RSF1: variants seen among roughly 807,000 people sequenced by gnomAD.
The protein encoded by RSF1 is remodeling and spacing factor 1.
Under a neutral mutation model 145.2 loss-of-function variants are expected in RSF1, and 13 were observed. The observed-to-expected ratio is 0.09, with a 90% CI of 0.06 to 0.14. The LOEUF (loss-of-function observed/expected upper bound fraction) is 0.14, where lower values mean the gene tolerates loss of function less well. Ranked by LOEUF, RSF1 falls within the 10% of genes least tolerant of loss-of-function variation. The pLI is 1.00. For synonymous variants in RSF1, 577 were observed against 592.6 expected (o/e 0.97, Z 0.38); for missense variants, 1,517 against 1,718.2 (o/e 0.88, Z 2.07).
In RSF1 at chr11:77,728,681, C is replaced by CT. The variant is rs551605539; in HGVS notation, c.579-2983dup. ...GAAAGAGGCCACACACAGAAAGTCA[C>CT]TTATTATATAATTCTATGTATACAA... On this transcript the variant is annotated intron_variant, in intron 4 of 15. Coordinates refer to ENST00000308488, the MANE Select transcript of RSF1 (RefSeq NM_016578.4). Among the ~76,000 whole-genome samples the CT allele has an allele frequency of 9.2e-5, 14 of 151,938 alleles. 1 individual carries two copies. In the East Asian group the frequency reaches 2.3e-3, roughly 25 times the overall value.
intron 1 of RSF1, among the ~76,000 whole-genome samples, chr11:77,773,551 T>G (rs1948309886): frequency 6.6e-6 from 1 of 152,216 alleles, no homozygotes; most frequent in East Asian, 1.9e-4. Context: ...TCTTATTCCT[T>G]TATATTTAAT....
rs1338657875 is a variant in RSF1, at chr11:77,732,627, T to C, written c.579-6928A>G. ...AGGGTGCAGGTTCATTTCCTGTGAG[T>C]GAATGAGTCTCACGAGATCTGATGG... On this transcript the variant is annotated intron_variant, in intron 4 of 15. Coordinates refer to ENST00000308488, the MANE Select transcript of RSF1 (RefSeq NM_016578.4). 2.0e-5 allele frequency among the ~76,000 whole-genome samples: 3 copies of C among 152,100 alleles called. No homozygotes were observed. In the East Asian group the frequency reaches 5.8e-4, roughly 29 times the overall value.
chr11:77,682,901 G>A lies in RSF1; in HGVS notation c.3065+809C>T, dbSNP rs1959901815. Among the ~76,000 whole-genome samples, 4 of 152,346 alleles carry A rather than the reference G, an allele frequency of 2.6e-5. No homozygotes were observed. In the South Asian group the frequency reaches 8.3e-4, roughly 32 times the overall value. ...ATGTGCAAAGGGACTAAAAGGCGAT[G>A]CAGCAAATGCAGAGAGTGTAAGGGA... On this transcript the variant is annotated intron_variant, in intron 11 of 15. Transcript: ENST00000308488.
intron 11 of RSF1, among the ~76,000 whole-genome samples, chr11:77,681,790 C>A (rs1214587787): frequency 1.3e-5 from 2 of 152,170 alleles, no homozygotes; most frequent in Non-Finnish European, 2.9e-5. Context: ...TGCCACCACA[C>A]CATAATTTAC....
At chr11:77,795,184 A>C (rs1948559445) in intron 1 of RSF1, among the ~76,000 whole-genome samples, 1 of 152,250 alleles carries the variant, frequency 6.6e-6, no homozygotes, top group African/African-American at 2.4e-5. Flanking sequence ...ACACTGACTG[A>C]AAGAAACTGA....
At chr11:77,858,194 A>AT in the RSF1 span, among the ~76,000 whole-genome samples, 772 of 130,794 alleles carry the variant, frequency 5.9e-3, 15 homozygotes, top group Admixed American at 0.036. Flanking sequence ...AATATATATA[A>AT]TTTTTTTTTT....
intron 1 of RSF1, among the ~76,000 whole-genome samples, chr11:77,777,724 C>G (rs771273412): frequency 6.6e-6 from 1 of 152,076 alleles, no homozygotes; most frequent in Non-Finnish European, 1.5e-5. Context: ...GTGGCACACA[C>G]CTGTAATCCT....
chr11:77,802,316 A>C (rs1948633925), intron 1 of RSF1, among the ~76,000 whole-genome samples: 1 of 152,190 alleles, frequency 6.6e-6, no homozygotes, highest in African/African-American at 2.4e-5. Context: ...CTTGCAACTG[A>C]TGTCTAAAGT....
At chr11:77,812,593 A>G (rs1417233612) in intron 1 of RSF1, among the ~76,000 whole-genome samples, 2 of 152,120 alleles carry the variant, frequency 1.3e-5, no homozygotes, top group Non-Finnish European at 2.9e-5. Flanking sequence ...TTCTTTCTTA[A>G]AATCAGTTTG....
intron 1 of RSF1, among the ~76,000 whole-genome samples, chr11:77,801,103 A>G (rs1221696241): frequency 1.3e-5 from 2 of 152,210 alleles, no homozygotes; most frequent in African/African-American, 4.8e-5. Flanking sequence ...AATTCATTTT[A>G]TAAGGCCAGG....
the RSF1 span, among the ~76,000 whole-genome samples, chr11:77,828,843 G>A: frequency 6.6e-6 from 1 of 152,152 alleles, no homozygotes; most frequent in African/African-American, 2.4e-5. Context: ...CAAAATTCCA[G>A]CTGGCTTCTT....
At chr11:77,691,945 C>A (rs1166171767) in intron 8 of RSF1, among the ~76,000 whole-genome samples, 1 of 152,200 alleles carries the variant, frequency 6.6e-6, no homozygotes, top group African/African-American at 2.4e-5. Flanking sequence ...GGCTGGCGTG[C>A]AGTGGCACAA....
chr11:77,777,554 T>A (rs770249035), intron 1 of RSF1, among the ~76,000 whole-genome samples: 1 of 152,014 alleles, frequency 6.6e-6, no homozygotes, highest in African/African-American at 2.4e-5. Flanking sequence ...GATGGCACCA[T>A]TGCACTCCAG....
intron 4 of RSF1, among the ~76,000 whole-genome samples, chr11:77,737,272 ACT>A (rs1961377200): frequency 6.6e-6 from 1 of 151,670 alleles, no homozygotes; most frequent in Admixed American, 6.6e-5. Flanking sequence ...ACATGGCAAA[ACT>A]CTGTCTCTAC....
intron 1 of RSF1, among the ~76,000 whole-genome samples, chr11:77,807,865 A>C (rs1159591569): frequency 6.6e-6 from 1 of 152,214 alleles, no homozygotes; most frequent in African/African-American, 2.4e-5. Flanking sequence ...CAAGGAAAAG[A>C]CAGTTGCTTT....
At chr11:77,697,602 A>C (rs565252611) in intron 7 of RSF1, among the ~76,000 whole-genome samples, 59 of 148,506 alleles carry the variant, frequency 4.0e-4, no homozygotes, top group African/African-American at 1.4e-3. Context: ...TGAAGAACTT[A>C]CTTCCTGGGG....
At chr11:77,844,368 CTT>C in the RSF1 span, among the ~76,000 whole-genome samples, 1 of 151,810 alleles carries the variant, frequency 6.6e-6, no homozygotes, top group South Asian at 2.1e-4. Context: ...TTCTTTCTTT[CTT>C]TGTTTTTTTT....
intron 1 of RSF1, among the ~76,000 whole-genome samples, chr11:77,814,477 G>A (rs897447520): frequency 1.3e-5 from 2 of 152,004 alleles, no homozygotes; most frequent in Admixed American, 6.5e-5. Context: ...ACAGAGTCTC[G>A]CTCTGTCACC....
chr11:77,741,002 T>C (rs1490834297), intron 3 of RSF1, 66 bp from the exon 4 acceptor site: 3 of 1,177,326 alleles, frequency 2.5e-6, no homozygotes, highest in African/African-American at 1.5e-5. Flanking sequence ...GTAAATATGA[T>C]ACAACCGTAG....
Sources: gnomAD v4.1 joint callset for allele counts (sites outside exome capture counted in the v4.1 genomes callset) on GRCh38, gnomAD v4.1.1 for gene constraint, MANE v1.5 for transcripts, NCBI Gene and HGNC (gene_info 2026-07-23, HGNC 2026-07-21) for gene names.